Variants in RNF17 observed in about 807,000 individuals in gnomAD.
RNF17 encodes the protein spermatogenesis associated 23.
RNF17 carries 31 observed loss-of-function variants against 200.5 expected under a neutral mutation model. The ratio of observed to expected loss-of-function variants is 0.15; its 90% CI spans 0.12 to 0.21. RNF17 has a LOEUF of 0.21. Ranked by LOEUF, RNF17 falls within the 10% of genes least tolerant of loss-of-function variation. The pLI is 1.00. For missense variants in RNF17, 1,628 were observed against 1,905.1 expected (o/e 0.85, Z 2.71); for synonymous variants, 606 against 637.8 (o/e 0.95, Z 0.75).
chr13:24,792,971 T>C, intron 9 of RNF17, 71 bp from the exon 10 acceptor site: 1 of 1,044,224 alleles, frequency 9.6e-7, no homozygotes, highest in Non-Finnish European at 1.4e-6. Context: ...GGTGGGAGTT[T>C]CTAGTGACTT....
At chr13:24,815,664 G>T (rs1319894837) in intron 15 of RNF17, among the ~76,000 whole-genome samples, 3 of 152,136 alleles carry the variant, frequency 2.0e-5, no homozygotes, top group Admixed American at 1.3e-4. Context: ...TAAGGGAAAA[G>T]CGTTTGTCTT....
chr13:24,865,117 C>G (rs1398285712), intron 29 of RNF17, 119 bp downstream of exon 29: 12 of 709,738 alleles, frequency 1.7e-5, no homozygotes, highest in Non-Finnish European at 2.0e-5. Context: ...TTAAGAGAGT[C>G]TAGAGGACTT....
intron 25 of RNF17, 25 bp downstream of exon 25, chr13:24,854,169 C>G: frequency 6.5e-7 from 1 of 1,529,098 alleles, no homozygotes. Context: ...GTTATGTAGG[C>G]TCTAGTTCTC....
the RNF17 span, among the ~76,000 whole-genome samples, chr13:24,749,307 C>T: frequency 4.3e-3 from 461 of 108,016 alleles, 9 homozygotes; most frequent in East Asian, 0.043. Context: ...TTCTTTCTTT[C>T]TTTTTTTTTT....
chr13:24,765,668 A>T (rs747921657), intron 1 of RNF17, among the ~76,000 whole-genome samples: 1 of 152,234 alleles, frequency 6.6e-6, no homozygotes, highest in African/African-American at 2.4e-5. Flanking sequence ...TACTTCTTCC[A>T]TACATTAGTA....
chr13:24,801,897 ATATT>A (rs1303980975), intron 13 of RNF17, among the ~76,000 whole-genome samples: 22 of 152,236 alleles, frequency 1.4e-4, no homozygotes, highest in African/African-American at 5.3e-4. Flanking sequence ...CCTTGAGAAT[ATATT>A]TATAAAGTGA....
Position 24,778,797 on chromosome 13 carries a change from TAG to T in RNF17, c.429+394_429+395del, listed in dbSNP as rs951992474. On this transcript the variant is annotated intron_variant, in intron 4 of 35. Transcript: ENST00000255324. ...TTGTTGTTAATGTTATTGCTGAAGA[TAG>T]AGTTTTACCTTTTATCTACTCCTGA... Among the ~76,000 whole-genome samples the T allele has an allele frequency of 3.9e-5, 6 of 152,384 alleles. No individual in the cohort carries two copies. In the East Asian group the frequency reaches 7.7e-4, roughly 20 times the overall value.
intron 2 of RNF17, among the ~76,000 whole-genome samples, chr13:24,771,352 G>GTTT (rs1566113539): frequency 3.4e-4 from 23 of 68,178 alleles, no homozygotes; most frequent in South Asian, 6.1e-4. Context: ...TTTTTTTTTG[G>GTTT]AAGAGGTGAA....
chr13:24,760,327 A>T (rs1878620667), upstream of RNF17, among the ~76,000 whole-genome samples: 5 of 152,380 alleles, frequency 3.3e-5, no homozygotes, highest in Middle Eastern at 6.8e-3. Flanking sequence ...GAATGTGAAT[A>T]TAAATACAAG....
intron 6 of RNF17, among the ~76,000 whole-genome samples, chr13:24,786,371 G>T: frequency 6.6e-6 from 1 of 152,068 alleles, no homozygotes; most frequent in Non-Finnish European, 1.5e-5. Flanking sequence ...TACCTGTTAA[G>T]ATAGATTGAT....
chr13:24,786,036 A>C (rs1883062833), intron 6 of RNF17, among the ~76,000 whole-genome samples: 1 of 151,890 alleles, frequency 6.6e-6, no homozygotes, highest in Admixed American at 6.6e-5. Context: ...ATAAGGAAGT[A>C]TTTTTGCCAT....
rs565299876 is a variant in RNF17 at position 24,834,190 on chromosome 13, T to TGAGGTCAG, written c.2482+2216_2482+2223dup. On this transcript the variant is annotated intron_variant, in intron 18 of 35. Coordinates refer to ENST00000255324, the MANE Select transcript of RNF17 (RefSeq NM_031277.3). ...GGAGGTCAGAGGCGGGTGGATCACC[T>TGAGGTCAG]GAGGTCAGGAGTTTGAGACCAGCCT... Among the ~76,000 whole-genome samples the TGAGGTCAG allele has an allele frequency of 2.5e-3, 382 of 152,128 alleles. 2 individuals are homozygous for TGAGGTCAG. Among genetic ancestry groups the TGAGGTCAG allele is most frequent in the African/African-American group, 8.7e-3 (362 of 41,520 alleles).
chr13:24,886,997 G>T, the RNF17 span, among the ~76,000 whole-genome samples: 1 of 152,154 alleles, frequency 6.6e-6, no homozygotes, highest in Non-Finnish European at 1.5e-5. Flanking sequence ...CTGTCTAGAG[G>T]ACTGTGTGAA....
At chr13:24,808,438 C>T (rs1286673795) in intron 15 of RNF17, among the ~76,000 whole-genome samples, 4 of 134,916 alleles carry the variant, frequency 3.0e-5, no homozygotes, top group East Asian at 2.2e-4. Context: ...TGATTTGGCT[C>T]TCTGTTTGTC....
chr13:24,756,033 G>T, the RNF17 span, among the ~76,000 whole-genome samples: 9 of 152,108 alleles, frequency 5.9e-5, no homozygotes, highest in Non-Finnish European at 1.2e-4. Flanking sequence ...GTAAATAGTT[G>T]TGGAATTTAG....
chr13:24,844,653 T>A lies in RNF17; in HGVS notation c.2833T>A (p.Leu945Ile), dbSNP rs2138152237. The change falls in exon 21 of 36, where the codon TTA becomes ATA. Residue 945 changes from leucine to isoleucine, a missense_variant and splice_region_variant. Transcript: ENST00000255324. ...WLLTENLLNS[L>I]EEKMIAAYEN... ...GTTAAATATTTTTTATCTCTATAGT[T>A]TAGAAGAAAAGATGATAGCTGCTTA... 6.3e-7 allele frequency: 1 copy of A among 1,584,696 alleles called. No individual in the cohort carries two copies. The highest frequency in any genetic ancestry group is 8.6e-7 in the Non-Finnish European group (1 of 1,157,196).
chr13:24,831,086 G>GT (rs1253737452), intron 17 of RNF17, among the ~76,000 whole-genome samples: 1 of 152,068 alleles, frequency 6.6e-6, no homozygotes, highest in Non-Finnish European at 1.5e-5. Flanking sequence ...TGTTTGAGTT[G>GT]TTTTTAAGCC....
At chr13:24,821,249 A>G (rs941384840) in intron 15 of RNF17, among the ~76,000 whole-genome samples, 6 of 152,156 alleles carry the variant, frequency 3.9e-5, no homozygotes, top group Admixed American at 3.3e-4. Flanking sequence ...GCCCATCCTA[A>G]TGACCTCATT....
chr13:24,779,500 G>A (rs765341757), intron 4 of RNF17, among the ~76,000 whole-genome samples, 167 bp from the exon 5 acceptor site: 11 of 152,150 alleles, frequency 7.2e-5, no homozygotes, highest in Non-Finnish European at 1.3e-4. Flanking sequence ...CTCCAGGTTA[G>A]CAGGATTGAA....
Sources: allele counts gnomAD v4.1 joint callset (sites outside exome capture counted in the v4.1 genomes callset), GRCh38; gene constraint gnomAD v4.1.1; transcripts MANE v1.5; gene names NCBI Gene and HGNC (gene_info 2026-07-23, HGNC 2026-07-21).